ELMO1: variants seen among roughly 807,000 people sequenced by gnomAD.
ELMO1 encodes engulfment and cell motility 1, also known as engulfment and cell motility protein 1.
Under a neutral mutation model 98.9 loss-of-function variants are expected in ELMO1, and 26 were observed. The observed-to-expected ratio is 0.26, with a 90% CI of 0.19 to 0.36. ELMO1 has a LOEUF of 0.36. Ranked by LOEUF, ELMO1 falls within the 10% of genes least tolerant of loss-of-function variation. The probability of loss-of-function intolerance (pLI) is 1.00; values close to 1 mark genes in which losing one functional copy is unlikely to be tolerated. For missense variants in ELMO1, 627 were observed against 935.2 expected (o/e 0.67, Z 4.30); for synonymous variants, 346 against 346.0 (o/e 1.00, Z 0.00).
intron 16 of ELMO1, among the ~76,000 whole-genome samples, chr7:36,999,406 G>A (rs752415002): frequency 2.0e-5 from 3 of 152,068 alleles, no homozygotes; most frequent in African/African-American, 4.8e-5. Flanking sequence ...ACTCCATGAC[G>A]ATCAGTCTCT....
chr7:36,869,827 T>C (rs755489762), intron 20 of ELMO1, among the ~76,000 whole-genome samples: 11 of 152,230 alleles, frequency 7.2e-5, no homozygotes, highest in Non-Finnish European at 1.5e-4. Context: ...TACACACTTC[T>C]GGGAAAATTT....
intron 16 of ELMO1, among the ~76,000 whole-genome samples, chr7:37,009,778 G>A (rs1793417956): frequency 6.6e-6 from 1 of 152,188 alleles, no homozygotes; most frequent in Non-Finnish European, 1.5e-5. Flanking sequence ...AAGAAATTAT[G>A]TTTCATGTTG....
intron 15 of ELMO1, among the ~76,000 whole-genome samples, chr7:37,076,718 C>A (rs1234151197): frequency 6.6e-6 from 1 of 152,218 alleles, no homozygotes; most frequent in Non-Finnish European, 1.5e-5. Context: ...CTAGCAGCAG[C>A]AGGACCCATC....
intron 4 of ELMO1, among the ~76,000 whole-genome samples, chr7:37,285,145 C>T (rs931425073): frequency 2.6e-5 from 4 of 152,194 alleles, no homozygotes; most frequent in Admixed American, 2.0e-4. Context: ...GTGGTGATGT[C>T]CCTGTGGTGG....
At chr7:37,348,695 G>T (rs770312639) in intron 1 of ELMO1, among the ~76,000 whole-genome samples, 1 of 151,894 alleles carries the variant, frequency 6.6e-6, no homozygotes, top group East Asian at 1.9e-4. Context: ...GACAGAAATC[G>T]CTTTGACTCC....
At chr7:37,130,516 A>C (rs1259820532) in intron 14 of ELMO1, among the ~76,000 whole-genome samples, 1 of 152,192 alleles carries the variant, frequency 6.6e-6, no homozygotes, top group Non-Finnish European at 1.5e-5. Context: ...AGAGAGTGTC[A>C]GGTGTCAAGG....
chr7:37,006,868 A>G (rs574936487), intron 16 of ELMO1, among the ~76,000 whole-genome samples: 1 of 152,304 alleles, frequency 6.6e-6, no homozygotes, highest in East Asian at 1.9e-4. Flanking sequence ...CACTTATTGA[A>G]AAAGATAAGT....
intron 1 of ELMO1, among the ~76,000 whole-genome samples, chr7:37,393,359 T>C (rs762278593): frequency 6.6e-6 from 1 of 152,178 alleles, no homozygotes; most frequent in Non-Finnish European, 1.5e-5. Context: ...TAATACACAT[T>C]CTATTTGCCC....
chr7:37,195,581 C>A (rs1791916780), intron 13 of ELMO1, among the ~76,000 whole-genome samples: 1 of 152,256 alleles, frequency 6.6e-6, no homozygotes, highest in South Asian at 2.1e-4. Context: ...GGAGGCGGGG[C>A]TCCCTGCACT....
intron 16 of ELMO1, among the ~76,000 whole-genome samples, chr7:36,996,311 CT>C (rs1391873195): frequency 6.6e-6 from 1 of 152,054 alleles, no homozygotes; most frequent in Non-Finnish European, 1.5e-5. Context: ...CTAGAGTGTG[CT>C]TTTTCCTTTT....
In ELMO1 at chr7:36,971,055, G is replaced by A. The variant is rs73342256; in HGVS notation, c.1437+42244C>T. Among the ~76,000 whole-genome samples the A allele has an allele frequency of 5.6e-3, 852 of 152,360 alleles. 7 individuals carry two copies. The highest frequency in any genetic ancestry group is 0.019 in the African/African-American group (800 of 41,580). On this transcript the variant is annotated intron_variant, in intron 16 of 21. Coordinates refer to ENST00000310758, the MANE Select transcript of ELMO1 (RefSeq NM_014800.11). ...TCTCCCTGCAACTGTGGAAACCCAG[G>A]TATGGAGGCCTCACTGGTGAAGTTG...
intron 16 of ELMO1, among the ~76,000 whole-genome samples, chr7:36,971,280 T>G (rs77410227): frequency 0.019 from 2,833 of 152,282 alleles, 93 homozygotes; most frequent in African/African-American, 0.065. Context: ...AGAGAAAGTT[T>G]TGGCAGGTGG....
chr7:37,306,952 T>C (rs942763005), intron 4 of ELMO1, among the ~76,000 whole-genome samples: 2 of 152,196 alleles, frequency 1.3e-5, no homozygotes, highest in Non-Finnish European at 2.9e-5. Flanking sequence ...ATATTCCTAA[T>C]AATCTCTTCA....
At chr7:37,371,791 C>G (rs941099676) in intron 1 of ELMO1, among the ~76,000 whole-genome samples, 1 of 152,174 alleles carries the variant, frequency 6.6e-6, no homozygotes, top group Admixed American at 6.5e-5. Flanking sequence ...TGCCTGAATT[C>G]CCTCTTCTCA....
intron 4 of ELMO1, among the ~76,000 whole-genome samples, chr7:37,275,787 A>C (rs1297051849): frequency 1.3e-5 from 2 of 152,250 alleles, no homozygotes; most frequent in Admixed American, 6.5e-5. Flanking sequence ...TAAAATATGC[A>C]TTAAAAATGT....
At chr7:36,935,923 T>C (rs1786489665) in intron 16 of ELMO1, among the ~76,000 whole-genome samples, 1 of 152,154 alleles carries the variant, frequency 6.6e-6, no homozygotes, top group Admixed American at 6.5e-5. Context: ...ATCTGAGTGA[T>C]TTCATCTGTA....
intron 20 of ELMO1, among the ~76,000 whole-genome samples, chr7:36,867,028 T>C (rs1389068651): frequency 1.3e-5 from 2 of 152,310 alleles, no homozygotes; most frequent in South Asian, 2.1e-4. Flanking sequence ...TATATGCTAA[T>C]TAAAGGGCCA....
At chr7:37,133,396 T>C (rs1787057784) in intron 13 of ELMO1, among the ~76,000 whole-genome samples, 162 bp from the exon 14 acceptor site, 1 of 152,206 alleles carries the variant, frequency 6.6e-6, no homozygotes. Flanking sequence ...CTGAGGTGGA[T>C]GCAGGGACTT....
chr7:37,255,247 G>A (rs1249412286), intron 6 of ELMO1, among the ~76,000 whole-genome samples: 1 of 152,102 alleles, frequency 6.6e-6, no homozygotes, highest in Non-Finnish European at 1.5e-5. Context: ...TCTGACTCTT[G>A]TCCTTATAAG....
Sources: gnomAD v4.1 joint callset for allele counts (sites outside exome capture counted in the v4.1 genomes callset) on GRCh38, gnomAD v4.1.1 for gene constraint, MANE v1.5 for transcripts, NCBI Gene and HGNC (gene_info 2026-07-23, HGNC 2026-07-21) for gene names.